Variants in ZBTB20 observed in about 807,000 individuals in gnomAD.
ZBTB20 encodes the protein zinc finger and BTB domain-containing protein 20.
Under a neutral mutation model 56.9 loss-of-function variants are expected in ZBTB20, and 9 were observed. The ratio of observed to expected loss-of-function variants is 0.16; its 90% CI spans 0.10 to 0.28. The LOEUF is 0.28. ZBTB20 is among the 10% of genes least tolerant of loss of function. The pLI is 1.00. For synonymous variants in ZBTB20, 417 were observed against 420.7 expected (o/e 0.99, Z 0.11); for missense variants, 655 against 1,003.0 (o/e 0.65, Z 4.69).
intron 2 of ZBTB20, among the ~76,000 whole-genome samples, chr3:115,006,199 T>G: frequency 6.6e-6 from 1 of 151,700 alleles, no homozygotes; most frequent in East Asian, 2.0e-4. Context: ...CTTTGTTAGT[T>G]ACTGTCAGAA....
chr3:114,785,904 T>C (rs2108788120), intron 5 of ZBTB20, among the ~76,000 whole-genome samples: 1 of 152,302 alleles, frequency 6.6e-6, no homozygotes, highest in South Asian at 2.1e-4. Flanking sequence ...TAATTGAAAG[T>C]GTGTACCCTT....
In ZBTB20 at chr3:115,057,428, A is replaced by G. The variant is rs375323078; in HGVS notation, c.-507+13791T>C. 4.4e-4 allele frequency among the ~76,000 whole-genome samples: 67 copies of G among 152,070 alleles called. 1 individual carries two copies. Among genetic ancestry groups the G allele is most frequent in the Non-Finnish European group, 7.1e-4 (48 of 67,986 alleles). On this transcript the variant is annotated intron_variant, in intron 2 of 11. Transcript: ENST00000675478. ...CAAGGCTACCTTGAAATAATAATATACCACTTCATATATAATATCAAACCA... is the reference window on the plus strand; with the variant it reads ...CAAGGCTACCTTGAAATAATAATATGCCACTTCATATATAATATCAAACCA...
chr3:114,770,282 T>C (rs1318298974), intron 5 of ZBTB20, among the ~76,000 whole-genome samples: 1 of 151,244 alleles, frequency 6.6e-6, no homozygotes, highest in Non-Finnish European at 1.5e-5. Context: ...GTAGTAAAAA[T>C]ACAAAAAATT....
intron 3 of ZBTB20, among the ~76,000 whole-genome samples, chr3:114,914,026 T>G (rs2075645978): frequency 6.6e-6 from 1 of 152,094 alleles, no homozygotes; most frequent in Non-Finnish European, 1.5e-5. Flanking sequence ...CCTAGTTTTG[T>G]TCTTTTTGCT....
intron 5 of ZBTB20, among the ~76,000 whole-genome samples, chr3:114,784,099 T>C (rs2070318162): frequency 6.6e-6 from 1 of 152,224 alleles, no homozygotes; most frequent in African/African-American, 2.4e-5. Flanking sequence ...CAGTGGGTTT[T>C]CTTTAGAAAC....
In ZBTB20 at chr3:114,380,761, C is replaced by T; in HGVS notation, c.11+16G>A. The stretch of plus-strand genomic sequence containing the variant: ...AGTTTTAACATGGTCTGGAAAAATA[C>T]TAGTGGAAGTTTTACCGTTCTAGCA... On this transcript the variant is annotated intron_variant, in intron 9 of 11. Coordinates refer to ENST00000675478, the MANE Select transcript of ZBTB20 (RefSeq NM_001348800.3). 6.7e-7 allele frequency: 1 copy of T among 1,502,434 alleles called. No homozygotes were observed. Among genetic ancestry groups the T allele is most frequent in the South Asian group, 1.3e-5 (1 of 76,418 alleles). The allele number at this position is 1,502,434 out of a possible 1,614,324, so 93.1% of individuals were successfully genotyped here. A position where few individuals can be genotyped will look rare whatever the true frequency, so the allele number is the denominator to read the frequency against.
intron 6 of ZBTB20, among the ~76,000 whole-genome samples, chr3:114,660,885 T>TG (rs1261116018): frequency 2.6e-5 from 4 of 151,922 alleles, no homozygotes; most frequent in Non-Finnish European, 5.9e-5. Context: ...GGCGGGTGGA[T>TG]GGGGGGTGGA....
At chr3:114,988,357 T>A (rs1329079865) in intron 2 of ZBTB20, among the ~76,000 whole-genome samples, 1 of 151,064 alleles carries the variant, frequency 6.6e-6, no homozygotes, top group Non-Finnish European at 1.5e-5. Flanking sequence ...CGGTGTTTGG[T>A]TTTTTGTCCT....
intron 6 of ZBTB20, among the ~76,000 whole-genome samples, chr3:114,510,419 A>G (rs898621271): frequency 1.3e-5 from 2 of 151,782 alleles, no homozygotes; most frequent in African/African-American, 2.4e-5. Context: ...CTGCACATGC[A>G]TGGTTCCTCC....
chr3:114,669,688 GT>G (rs963900577), intron 6 of ZBTB20, among the ~76,000 whole-genome samples: 79 of 150,346 alleles, frequency 5.3e-4, no homozygotes, highest in Admixed American at 1.0e-3. Flanking sequence ...TCTAGGACCA[GT>G]TTTTTTTCCT....
chr3:115,136,814 A>C (rs1381532192), intron 1 of ZBTB20, among the ~76,000 whole-genome samples: 1 of 152,090 alleles, frequency 6.6e-6, no homozygotes, highest in Non-Finnish European at 1.5e-5. Context: ...CCCCTTTAAC[A>C]CAGTATTGCC....
chr3:114,485,427 C>T lies in ZBTB20; in HGVS notation c.-255+14925G>A, dbSNP rs114894261. Among the ~76,000 whole-genome samples the T allele has an allele frequency of 9.6e-3, 1,461 of 152,244 alleles. 22 individuals carry two copies. Among genetic ancestry groups the T allele is most frequent in the African/African-American group, 0.032 (1,345 of 41,540 alleles). On this transcript the variant is annotated intron_variant, in intron 7 of 11. Coordinates refer to ENST00000675478, the MANE Select transcript of ZBTB20 (RefSeq NM_001348800.3). ...TGCTTTCCTGTTTCCAAATCTGCAT[C>T]CATATTGGGGGTTACCCACAGAGAG...
intron 3 of ZBTB20, among the ~76,000 whole-genome samples, chr3:114,962,656 T>C (rs1342012360): frequency 6.6e-6 from 1 of 152,108 alleles, no homozygotes; most frequent in African/African-American, 2.4e-5. Context: ...AAGAAGGAGA[T>C]TATTAAATAG....
At chr3:114,474,443 G>A (rs2040511753) in intron 7 of ZBTB20, among the ~76,000 whole-genome samples, 1 of 152,132 alleles carries the variant, frequency 6.6e-6, no homozygotes, top group African/African-American at 2.4e-5. Flanking sequence ...GCCAAAATTG[G>A]TACTAAATAA....
chr3:115,111,731 T>C (rs2083888865), intron 1 of ZBTB20, among the ~76,000 whole-genome samples: 1 of 152,180 alleles, frequency 6.6e-6, no homozygotes, highest in African/African-American at 2.4e-5. Flanking sequence ...AATAAGTGTA[T>C]AGAAATAAAT....
chr3:114,978,476 T>C (rs2078196695), intron 2 of ZBTB20, among the ~76,000 whole-genome samples: 1 of 151,594 alleles, frequency 6.6e-6, no homozygotes, highest in East Asian at 1.9e-4. Flanking sequence ...TGTAATAGGA[T>C]ATTAAGTGTT....
intron 5 of ZBTB20, among the ~76,000 whole-genome samples, chr3:114,773,017 C>T (rs577791400): frequency 6.6e-6 from 1 of 152,256 alleles, no homozygotes; most frequent in East Asian, 1.9e-4. Flanking sequence ...AATAATGATT[C>T]AAGGTGCTGC....
At chr3:114,674,544 T>C (rs1455955333) in intron 6 of ZBTB20, among the ~76,000 whole-genome samples, 1 of 152,168 alleles carries the variant, frequency 6.6e-6, no homozygotes, top group Non-Finnish European at 1.5e-5. Context: ...GCCTCAAAGA[T>C]TTCCATTTAG....
At chr3:114,363,069 C>T (rs1489131685) in intron 10 of ZBTB20, among the ~76,000 whole-genome samples, 1 of 152,018 alleles carries the variant, frequency 6.6e-6, no homozygotes, top group Admixed American at 6.6e-5. Context: ...TTCTCTTTGG[C>T]CCTTCACATA....
Sources: allele counts gnomAD v4.1 joint callset (sites outside exome capture counted in the v4.1 genomes callset), GRCh38; gene constraint gnomAD v4.1.1; transcripts MANE v1.5; gene names NCBI Gene and HGNC (gene_info 2026-07-23, HGNC 2026-07-21).